Variants in ABLIM2 observed in about 807,000 individuals in gnomAD.
ABLIM2 encodes actin binding LIM protein family member 2.
In ABLIM2, 53 loss-of-function variants were observed where a neutral mutation model predicts 97.7. That is an observed-to-expected ratio of 0.54 (90% CI 0.44 to 0.68). ABLIM2 has a LOEUF of 0.68. Among genes scored for constraint, ABLIM2 ranks in the 30% least tolerant of loss-of-function variants. The pLI is 0.00. For synonymous variants in ABLIM2, 361 were observed against 345.8 expected (o/e 1.04, Z -0.49); for missense variants, 835 against 867.2 (o/e 0.96, Z 0.47).
chr4:8,010,495 G>A, intron 14 of ABLIM2: 1 of 985,936 alleles, frequency 1.0e-6, no homozygotes, highest in Non-Finnish European at 1.2e-6. Flanking sequence ...CACCACCAAG[G>A]ACAAGACTGA....
In ABLIM2 at chr4:8,019,651, T is replaced by A. The variant is rs753901184; in HGVS notation, c.1390A>T (p.Ile464Phe). The change falls in exon 14 of 21, where the codon ATC becomes TTC. Residue 464 changes from isoleucine (I) to phenylalanine (F), a missense_variant. Physicochemically the swap from Ile to Phe is conservative, Grantham distance 21. Transcript: ENST00000447017. This position sits in a 1 kb window ranked among gnomAD's most constrained non-coding sequence, Gnocchi z 4.3. The part of the protein sequence containing the change: ...HVPDTGVKDN[I>F]YRKPPIYRQH... ...CTGTAGATAGGGGGTTTCCTATAGA[T>A]GTTATCTTTTACGCCAGTGTCTGGG... The A allele has an allele frequency of 1.9e-6, 3 of 1,612,400 alleles. No individual in the cohort carries two copies. Among genetic ancestry groups the A allele is most frequent in the South Asian group, 1.1e-5 (1 of 90,714 alleles).
chr4:8,116,817 C>CA (rs33974592), intron 1 of ABLIM2, among the ~76,000 whole-genome samples: 13 of 151,628 alleles, frequency 8.6e-5, no homozygotes, highest in East Asian at 7.8e-4. Flanking sequence ...GAAACAGCTC[C>CA]AAAAAAAATA....
chr4:8,080,298 GCAGGACATC>G (rs1818950957), intron 5 of ABLIM2, among the ~76,000 whole-genome samples: 2 of 152,164 alleles, frequency 1.3e-5, no homozygotes, highest in South Asian at 4.1e-4. Context: ...TTCACCTCCT[GCAGGACATC>G]CAGGCGCCGG....
intron 14 of ABLIM2, among the ~76,000 whole-genome samples, chr4:8,017,505 C>A (rs1417133698): frequency 1.3e-5 from 2 of 151,870 alleles, no homozygotes; most frequent in Non-Finnish European, 2.9e-5. Context: ...CCAGGCTGGT[C>A]TCGAACTCCT....
intron 20 of ABLIM2, among the ~76,000 whole-genome samples, chr4:7,977,090 G>A (rs1027001182): frequency 5.3e-5 from 8 of 152,140 alleles, no homozygotes; most frequent in Non-Finnish European, 1.2e-4. Flanking sequence ...GGTCCTGGGG[G>A]TGGTTTCCCC....
intron 1 of ABLIM2, among the ~76,000 whole-genome samples, chr4:8,131,422 T>G (rs1849347098): frequency 6.6e-6 from 1 of 152,160 alleles, no homozygotes; most frequent in African/African-American, 2.4e-5. Flanking sequence ...TGCAGAAAAT[T>G]ATATCCTAAC....
At chr4:8,115,602 G>C (rs967129071) in intron 1 of ABLIM2, among the ~76,000 whole-genome samples, 1 of 152,212 alleles carries the variant, frequency 6.6e-6, no homozygotes, top group Admixed American at 6.5e-5. Context: ...GGAAGCCTCT[G>C]AGCTTATCCC....
intron 2 of ABLIM2, among the ~76,000 whole-genome samples, chr4:8,105,135 C>T (rs989755589): frequency 3.3e-5 from 5 of 152,286 alleles, no homozygotes; most frequent in African/African-American, 7.2e-5. Flanking sequence ...GGGCTGCTGG[C>T]GTCGGGAGGA....
intron 18 of ABLIM2, among the ~76,000 whole-genome samples, chr4:7,984,327 G>T (rs925369989): frequency 1.3e-5 from 2 of 152,132 alleles, no homozygotes; most frequent in South Asian, 2.1e-4. Context: ...GCAGAGCAAG[G>T]CTCCCCCGCC....
At position 8,087,127 on chromosome 4, in the gene ABLIM2, G is replaced by T. The variant is rs1329119154; in HGVS notation, c.454+1042C>A. ...AGGAGAGGAAATTAATTGCGGGCAA[G>T]ATGTTGACCCCAGAAATCAGGAGAA... is the stretch of plus-strand genomic sequence containing the variant. On this transcript the variant is annotated intron_variant, in intron 4 of 20. Coordinates refer to ENST00000447017, the MANE Select transcript of ABLIM2 (RefSeq NM_001130083.2). This position sits in a 1 kb window ranked among gnomAD's most constrained non-coding sequence, Gnocchi z 4.6. Among the ~76,000 whole-genome samples, 9 of 152,224 alleles carry T rather than the reference G, an allele frequency of 5.9e-5. No homozygotes were observed. Among genetic ancestry groups the T allele is most frequent in the Non-Finnish European group, 1.5e-5 (1 of 68,032 alleles).
chr4:8,053,195 C>T (rs1214132165), intron 8 of ABLIM2, among the ~76,000 whole-genome samples: 1 of 152,210 alleles, frequency 6.6e-6, no homozygotes, highest in African/African-American at 2.4e-5. Flanking sequence ...ATCTGATTGC[C>T]TCCTTTCAGA....
At chr4:8,131,618 A>C (rs1292913316) in intron 1 of ABLIM2, among the ~76,000 whole-genome samples, 1 of 151,648 alleles carries the variant, frequency 6.6e-6, no homozygotes, top group Non-Finnish European at 1.5e-5. Flanking sequence ...CTGGGCACAG[A>C]AGCCTGCATC....
rs1415474954 is a variant in ABLIM2, at chr4:8,083,773, CCCCCAATGTCAG to C, written c.455-2983_455-2972del. ...AGCAGGGCAGAAGGGGCCCCAGGAC[CCCCCAATGTCAG>C]CTGGCCACGTGCCCGTACATCCTGG... On this transcript the variant is annotated intron_variant, in intron 4 of 20. Transcript: ENST00000447017. This position sits in a 1 kb window ranked among gnomAD's most constrained non-coding sequence, Gnocchi z 4.6. Among the ~76,000 whole-genome samples, 1 of 152,196 alleles carries C rather than the reference CCCCCAATGTCAG, an allele frequency of 6.6e-6. No individual in the cohort carries two copies. The highest frequency in any genetic ancestry group is 1.5e-5 in the Non-Finnish European group (1 of 68,038).
At chr4:8,048,632 A>T (rs1012410490) in intron 8 of ABLIM2, among the ~76,000 whole-genome samples, 17 of 152,308 alleles carry the variant, frequency 1.1e-4, no homozygotes, top group African/African-American at 4.1e-4. Context: ...ATTCAGCCGG[A>T]ACGGCCCCGC....
At chr4:8,010,651 G>A (rs896010715) in intron 14 of ABLIM2, 30 of 920,306 alleles carry the variant, frequency 3.3e-5, no homozygotes, top group Admixed American at 6.2e-5. Flanking sequence ...TCTTCCAGGA[G>A]AGACAGTGAT....
intron 14 of ABLIM2, among the ~76,000 whole-genome samples, chr4:8,011,920 T>C (rs1361589692): frequency 3.9e-5 from 6 of 152,210 alleles, no homozygotes; most frequent in Non-Finnish European, 8.8e-5. Flanking sequence ...TTATAATTCA[T>C]TCATATCTGA....
In ABLIM2 at chr4:8,008,390, T is replaced by C. The variant is rs1315046958; in HGVS notation, c.1477-190A>G. Among the ~76,000 whole-genome samples the C allele has an allele frequency of 1.2e-4, 19 of 152,196 alleles. 1 individual carries two copies. Among genetic ancestry groups the C allele is most frequent in the Non-Finnish European group, 1.5e-5 (1 of 68,040 alleles). ...TTTAGTGAGACCTATCCAGACGCTA[T>C]ACAGGTACATGGAGCATCTGGGGGA... is the stretch of plus-strand genomic sequence containing the variant. On this transcript the variant is annotated intron_variant, in intron 15 of 20. Transcript: ENST00000447017.
chr4:8,027,789 A>G lies in ABLIM2; in HGVS notation c.1237T>C (p.Phe413Leu), dbSNP rs1185235017. Residue 413 changes from phenylalanine to leucine, a missense_variant, in exon 12 of 21, where the codon TTC becomes CTC. Physicochemically the swap from Phe to Leu is conservative, Grantham distance 22. Transcript: ENST00000447017. ...AAGTAGGGGATGTAATGATGTCTGA[A>G]CACGGATGTAGGGCTTGGGTGTTGG... Reference protein sequence around the residue: ...LSQHPSPTSVFRHHYIPYFRG... With the variant: ...LSQHPSPTSVLRHHYIPYFRG... The G allele has an allele frequency of 6.3e-7, 1 of 1,598,760 alleles. No individual in the cohort carries two copies. Among genetic ancestry groups the G allele is most frequent in the Non-Finnish European group, 8.5e-7 (1 of 1,173,226 alleles).
In ABLIM2 at chr4:8,051,271, G is replaced by A. The variant is rs556191553; in HGVS notation, c.822+2917C>T. Among the ~76,000 whole-genome samples the A allele has an allele frequency of 3.0e-4, 45 of 152,310 alleles. No homozygotes were observed. The South Asian group carries it at 8.1e-3, about 27-fold the overall frequency. ...TTATTAAGAAATTATTTTAGGGGCC[G>A]GGCGTGGTAGCTCACGCCTGTAATC... On this transcript the variant is annotated intron_variant, in intron 8 of 20. Coordinates refer to ENST00000447017, the MANE Select transcript of ABLIM2 (RefSeq NM_001130083.2).
Sources: allele counts gnomAD v4.1 joint callset (sites outside exome capture counted in the v4.1 genomes callset), GRCh38; gene constraint gnomAD v4.1.1; non-coding constraint Gnocchi (gnomAD v3.1); transcripts MANE v1.5; gene names NCBI Gene and HGNC (gene_info 2026-07-23, HGNC 2026-07-21).